The following IL1RAPL2 variants were observed in gnomAD, a reference collection of about 807,000 sequenced individuals.
IL1RAPL2 encodes X-linked interleukin-1 receptor accessory protein-like 2.
A neutral mutation model predicts 44.1 loss-of-function variants in IL1RAPL2; 3 were observed. The ratio of observed to expected loss-of-function variants is 0.07; its 90% CI spans 0.03 to 0.18. The LOEUF (loss-of-function observed/expected upper bound fraction) is 0.18. Ranked by LOEUF, IL1RAPL2 falls within the 10% of genes least tolerant of loss-of-function variation. IL1RAPL2 has a pLI of 1.00. For synonymous variants in IL1RAPL2, 181 were observed against 178.8 expected, an observed-to-expected ratio of 1.01 and a Z score of -0.10; for missense variants, 391 against 496.4, an observed-to-expected ratio of 0.79 and a Z score of 2.02.
At chrX:105,533,875 G>A (rs1445655414) in intron 6 of IL1RAPL2, among the ~76,000 whole-genome samples, 1 of 111,695 alleles carries the variant, frequency 9.0e-6, no homozygotes, top group African/African-American at 3.3e-5. Flanking sequence ...GTAGTTTCTG[G>A]TTTTCAGCCA....
At chrX:104,736,354 A>G (rs778933984) in intron 2 of IL1RAPL2, among the ~76,000 whole-genome samples, 2 of 112,322 alleles carry the variant, frequency 1.8e-5, no homozygotes, top group African/African-American at 6.5e-5. Flanking sequence ...CTTGTAGCGC[A>G]TGATAGATGC....
At chrX:105,348,220 A>G (rs865938125) in intron 5 of IL1RAPL2, among the ~76,000 whole-genome samples, 3 of 111,733 alleles carry the variant, frequency 2.7e-5, no homozygotes, top group Non-Finnish European at 3.8e-5. Context: ...ACTTATCTGC[A>G]CACCCCTAGT....
chrX:104,898,318 T>C lies in IL1RAPL2; in HGVS notation c.82+239323T>C, dbSNP rs146457127. Among the ~76,000 whole-genome samples, 710 of 111,947 alleles carry C rather than the reference T, an allele frequency of 6.3e-3. 3 individuals are homozygous for C. Among genetic ancestry groups the C allele is most frequent in the African/African-American group, 0.022 (674 of 30,821 alleles). On this transcript the variant is annotated intron_variant, in intron 2 of 10. Transcript: ENST00000372582. ...AGGAATTGTTTGGGGACACTGGTGT[T>C]GATTTTATGCTACTGGAAGTACTTT...
intron 4 of IL1RAPL2, 94 bp from the exon 5 acceptor site, chrX:105,267,294 A>G: frequency 2.5e-6 from 2 of 787,632 alleles, no homozygotes; most frequent in Admixed American, 3.2e-5. Context: ...ACGAAAGAGA[A>G]TAATACAAAA....
chrX:104,864,924 C>T (rs2147649212), intron 2 of IL1RAPL2, among the ~76,000 whole-genome samples: 1 of 111,171 alleles, frequency 9.0e-6, no homozygotes, highest in Non-Finnish European at 1.9e-5. Context: ...AAAGTAAGGG[C>T]TTATGGAGGT....
intron 2 of IL1RAPL2, among the ~76,000 whole-genome samples, chrX:104,800,910 G>A (rs1375559654): frequency 1.8e-5 from 2 of 112,592 alleles, no homozygotes; most frequent in Non-Finnish European, 3.7e-5. Context: ...CCCAGGGCCA[G>A]TGGGAGGATA....
At chrX:105,205,587 TAAAAAAAAAAAAAAAAAAA>T (rs375473348) in intron 3 of IL1RAPL2, among the ~76,000 whole-genome samples, 534 of 8,216 alleles carry the variant, frequency 0.065, 21 homozygotes, top group African/African-American at 0.1. Flanking sequence ...AAGACTCTGT[TAAAAAAAAAAAAAAAAAAA>T]AAAAAAAAAA....
chrX:104,924,659 G>T (rs755629607), intron 2 of IL1RAPL2, among the ~76,000 whole-genome samples: 1 of 111,066 alleles, frequency 9.0e-6, no homozygotes, highest in Non-Finnish European at 1.9e-5. Context: ...AATAAAAATC[G>T]AAACAAAACA....
intron 6 of IL1RAPL2, among the ~76,000 whole-genome samples, chrX:105,565,402 C>A (rs2036967416): frequency 9.0e-6 from 1 of 111,142 alleles, no homozygotes; most frequent in African/African-American, 3.3e-5. Context: ...TACCTAGAAA[C>A]CAATAAATTC....
At chrX:104,848,002 A>T (rs912157538) in intron 2 of IL1RAPL2, among the ~76,000 whole-genome samples, 2 of 109,865 alleles carry the variant, frequency 1.8e-5, no homozygotes, top group East Asian at 5.7e-4. Context: ...TTTGTCTGTT[A>T]TTGGTGTATA....
chrX:105,004,699 C>T (rs777470812), intron 2 of IL1RAPL2, among the ~76,000 whole-genome samples: 10 of 110,712 alleles, frequency 9.0e-5, no homozygotes, highest in South Asian at 7.7e-4. Flanking sequence ...ATTCACTGAA[C>T]GATGAAAATG....
At chrX:104,940,842 A>C (rs1377427772) in intron 2 of IL1RAPL2, among the ~76,000 whole-genome samples, 3 of 106,525 alleles carry the variant, frequency 2.8e-5, no homozygotes, top group South Asian at 8.9e-4. Flanking sequence ...CTCATCATTT[A>C]CATTAGGTAT....
chrX:104,902,750 A>G (rs191795379), intron 2 of IL1RAPL2, among the ~76,000 whole-genome samples: 53 of 111,934 alleles, frequency 4.7e-4, no homozygotes, highest in African/African-American at 1.7e-3. Context: ...AGCTTGATCA[A>G]TGTAAATAAA....
chrX:105,392,378 AAAATGAAT>A (rs766915038), intron 5 of IL1RAPL2, among the ~76,000 whole-genome samples: 2 of 110,791 alleles, frequency 1.8e-5, no homozygotes, highest in Non-Finnish European at 3.8e-5. Flanking sequence ...ACAAAACACC[AAAATGAAT>A]AAATGAATAA....
At chrX:104,722,261 T>G (rs180793913) in intron 2 of IL1RAPL2, among the ~76,000 whole-genome samples, 22 of 111,918 alleles carry the variant, frequency 2.0e-4, no homozygotes, top group African/African-American at 6.8e-4. Flanking sequence ...TAGCTGTGTA[T>G]CAATAAAATT....
At chrX:104,590,316 A>G (rs1928639932) in intron 1 of IL1RAPL2, among the ~76,000 whole-genome samples, 1 of 111,893 alleles carries the variant, frequency 8.9e-6, no homozygotes, top group Non-Finnish European at 1.9e-5. Flanking sequence ...AAATGCTGGG[A>G]TTACAGGTAT....
chrX:104,582,642 C>T (rs186327198), intron 1 of IL1RAPL2, among the ~76,000 whole-genome samples: 502 of 25,900 alleles, frequency 0.019, 12 homozygotes, highest in African/African-American at 0.046. Context: ...CTTTCTTTCT[C>T]TCTTTCTTTC....
intron 1 of IL1RAPL2, among the ~76,000 whole-genome samples, chrX:104,582,525 TCTTTC>T (rs1928371206): frequency 9.2e-6 from 1 of 109,251 alleles, no homozygotes; most frequent in Admixed American, 9.7e-5. Context: ...TCTTTCTTTT[TCTTTC>T]CTTCTTTCCT....
intron 5 of IL1RAPL2, among the ~76,000 whole-genome samples, chrX:105,329,141 A>AAACAT (rs2034965647): frequency 2.7e-5 from 3 of 112,402 alleles, no homozygotes; most frequent in South Asian, 3.7e-4. Context: ...AAGTTCATTA[A>AAACAT]TCAACAGAAC....
Sources: allele counts gnomAD v4.1 joint callset (sites outside exome capture counted in the v4.1 genomes callset), GRCh38; gene constraint gnomAD v4.1.1; transcripts MANE v1.5; gene names NCBI Gene and HGNC (gene_info 2026-07-23, HGNC 2026-07-21).